Variants in TRIM2 observed in about 807,000 individuals in gnomAD.
TRIM2 encodes the protein tripartite motif containing 2.
Under a neutral mutation model 75.2 loss-of-function variants are expected in TRIM2, and 20 were observed. That is an observed-to-expected ratio of 0.27 (90% CI 0.19 to 0.39). The LOEUF (loss-of-function observed/expected upper bound fraction) is 0.39. Ranked by LOEUF, TRIM2 falls within the 10% of genes least tolerant of loss-of-function variation. TRIM2 has a pLI of 1.00. For synonymous variants in TRIM2, 373 were observed against 388.3 expected, an observed-to-expected ratio of 0.96 and a Z score of 0.46; for missense variants, 660 against 990.8, an observed-to-expected ratio of 0.67 and a Z score of 4.48.
At chr4:153,250,983 G>C (rs1253078911) in intron 1 of TRIM2, among the ~76,000 whole-genome samples, 1 of 152,172 alleles carries the variant, frequency 6.6e-6, no homozygotes, top group Non-Finnish European at 1.5e-5. Flanking sequence ...ACATTAAAGG[G>C]TCATCTGAAG....
At chr4:153,311,717 T>G (rs2150222884) in intron 6 of TRIM2, among the ~76,000 whole-genome samples, 1 of 148,942 alleles carries the variant, frequency 6.7e-6, no homozygotes, top group East Asian at 1.9e-4. Context: ...TCCATGCTTG[T>G]GTTTATCAAT....
intron 1 of TRIM2, among the ~76,000 whole-genome samples, chr4:153,210,354 C>T (rs747620577): frequency 9.9e-5 from 15 of 152,054 alleles, no homozygotes; most frequent in Non-Finnish European, 1.8e-4. Context: ...TGTGATCCAC[C>T]GTGCCTGGGC....
At chr4:153,217,059 T>A (rs1224827243) in intron 1 of TRIM2, among the ~76,000 whole-genome samples, 1 of 152,238 alleles carries the variant, frequency 6.6e-6, no homozygotes, top group East Asian at 1.9e-4. Context: ...TCAATACAAC[T>A]GAAAATTAAG....
At chr4:153,221,878 A>AGGAAGGAAAGAAAGCAAGGAAGGGAG (rs1740295535) in intron 1 of TRIM2, among the ~76,000 whole-genome samples, 1 of 83,882 alleles carries the variant, frequency 1.2e-5, no homozygotes, top group Non-Finnish European at 2.3e-5. Flanking sequence ...AAGGAAGGGA[A>AGGAAGGAAAGAAAGCAAGGAAGGGAG]GGAGGAAGGA....
intron 3 of TRIM2, among the ~76,000 whole-genome samples, chr4:153,289,705 C>G (rs1007987022): frequency 6.6e-6 from 1 of 152,188 alleles, no homozygotes; most frequent in Admixed American, 6.5e-5. Flanking sequence ...GCAATGTGCA[C>G]ACTGATTCCC....
At chr4:153,231,819 G>A (rs1743718750) in intron 1 of TRIM2, among the ~76,000 whole-genome samples, 1 of 152,054 alleles carries the variant, frequency 6.6e-6, no homozygotes, top group South Asian at 2.1e-4. Context: ...AAGGACATCA[G>A]TCATATTGGA....
At chr4:153,314,817 T>C (rs1009533472) in intron 6 of TRIM2, among the ~76,000 whole-genome samples, 1 of 152,158 alleles carries the variant, frequency 6.6e-6, no homozygotes, top group Non-Finnish European at 1.5e-5. Context: ...TGGCCTTCGG[T>C]TTGTCAAATG....
chr4:153,318,192 C>G (rs1768119486), intron 8 of TRIM2, among the ~76,000 whole-genome samples: 1 of 152,184 alleles, frequency 6.6e-6, no homozygotes, highest in South Asian at 2.1e-4. Flanking sequence ...TTTTCATAAT[C>G]CAATCTGGAA....
intron 11 of TRIM2, among the ~76,000 whole-genome samples, chr4:153,334,383 T>G (rs80091123): frequency 6.9e-6 from 1 of 143,912 alleles, no homozygotes; most frequent in African/African-American, 2.6e-5. Flanking sequence ...TTTGTTTTGC[T>G]TTTTTTTTTT....
chr4:153,169,659 T>C (rs1056733342), intron 1 of TRIM2, among the ~76,000 whole-genome samples: 2 of 152,178 alleles, frequency 1.3e-5, no homozygotes, highest in Non-Finnish European at 2.9e-5. Context: ...ACAAAAAAAA[T>C]TAAGCCATAG....
chr4:153,209,816 T>C (rs1736459299), intron 1 of TRIM2, among the ~76,000 whole-genome samples: 2 of 152,186 alleles, frequency 1.3e-5, no homozygotes, highest in Admixed American at 1.3e-4. Context: ...CTTTTCAATG[T>C]GTGTTCTTTG....
upstream of TRIM2, among the ~76,000 whole-genome samples, chr4:153,152,805 T>G (rs757847240): frequency 1.3e-5 from 2 of 152,178 alleles, no homozygotes; most frequent in African/African-American, 2.4e-5. Flanking sequence ...GAAATGCATG[T>G]TAGGTTAACT....
intron 6 of TRIM2, among the ~76,000 whole-genome samples, chr4:153,306,869 A>G (rs1259013438): frequency 6.6e-6 from 1 of 152,218 alleles, no homozygotes; most frequent in Non-Finnish European, 1.5e-5. Context: ...GCCAAGAGCC[A>G]TATTACTAGG....
At position 153,296,487 on chromosome 4, in the gene TRIM2, T is replaced by G. The variant is rs373415328; in HGVS notation, c.1510+451T>G. On this transcript the variant is annotated intron_variant, in intron 6 of 11. Coordinates refer to ENST00000338700, the MANE Select transcript of TRIM2 (RefSeq NM_015271.5). ...GAGGCTGTACGGTTGGCAGAGCATG[T>G]GATGCCTCCCTGTCACTGCATCGGC... Among the ~76,000 whole-genome samples, 79 of 152,316 alleles carry G rather than the reference T, an allele frequency of 5.2e-4. No individual in the cohort carries two copies. The South Asian group carries it at 0.016, about 30-fold the overall frequency.
chr4:153,305,059 A>G (rs1214651971), intron 6 of TRIM2, among the ~76,000 whole-genome samples: 1 of 152,232 alleles, frequency 6.6e-6, no homozygotes, highest in Non-Finnish European at 1.5e-5. Flanking sequence ...CAGCATGTTT[A>G]TAAAATGTTT....
In TRIM2 at chr4:153,339,261, G is replaced by A; in HGVS notation, c.*4295G>A. 6 of 901,342 alleles carry A rather than the reference G, an allele frequency of 6.7e-6. No homozygotes were observed. Among genetic ancestry groups the A allele is most frequent in the Non-Finnish European group, 6.6e-6 (5 of 752,976 alleles). The allele number at this position is 901,342 out of a possible 1,614,324, so 55.8% of individuals were successfully genotyped here. On this transcript the variant is annotated 3_prime_UTR_variant, in exon 12 of 12. Transcript: ENST00000338700. ...AACATAGGAGAAACAGGATTCATGT[G>A]TATCTCTTTACCATGCACAAAATCT...
intron 11 of TRIM2, among the ~76,000 whole-genome samples, chr4:153,334,475 A>G (rs1460626947): frequency 1.3e-5 from 2 of 149,148 alleles, no homozygotes; most frequent in Non-Finnish European, 1.5e-5. Flanking sequence ...GGATCCTCCC[A>G]CCTTCACCTA....
intron 11 of TRIM2, among the ~76,000 whole-genome samples, chr4:153,331,285 T>G (rs560796245): frequency 6.6e-6 from 1 of 152,204 alleles, no homozygotes; most frequent in East Asian, 1.9e-4. Flanking sequence ...ATTGTGCTAC[T>G]GCACTCCAGC....
intron 1 of TRIM2, among the ~76,000 whole-genome samples, chr4:153,212,045 TGGCGGTA>T (rs1281785092): frequency 6.6e-6 from 1 of 152,210 alleles, no homozygotes; most frequent in Non-Finnish European, 1.5e-5. Context: ...TTCTAGCTTC[TGGCGGTA>T]GGCTACATTT....
Sources: allele counts gnomAD v4.1 joint callset (sites outside exome capture counted in the v4.1 genomes callset), GRCh38; gene constraint gnomAD v4.1.1; transcripts MANE v1.5; gene names NCBI Gene and HGNC (gene_info 2026-07-23, HGNC 2026-07-21).